The following HIP1R variants were observed in gnomAD, a reference collection of about 807,000 sequenced individuals.
HIP1R encodes the protein huntingtin interacting protein 1 related.
A neutral mutation model predicts 144.2 loss-of-function variants in HIP1R; 135 were observed. The observed-to-expected ratio is 0.94, with a 90% confidence interval of 0.81 to 1.08. HIP1R has a LOEUF of 1.08. Among genes scored for constraint, HIP1R ranks in the 50% least tolerant of loss-of-function variants. The pLI, the probability that HIP1R is intolerant of heterozygous loss-of-function variation, is 0.00. For synonymous variants in HIP1R, 698 were observed against 612.8 expected, an observed-to-expected ratio of 1.14 and a Z score of -2.05; for missense variants, 1,462 against 1,432.8, an observed-to-expected ratio of 1.02 and a Z score of -0.33.
intron 31 of HIP1R, 66 bp from the exon 32 acceptor site, chr12:122,861,640 C>T: frequency 6.3e-7 from 1 of 1,597,862 alleles, no homozygotes; most frequent in South Asian, 1.1e-5. Context: ...GGAGCTTGCT[C>T]AAGGGAGAGG....
At chr12:122,849,163 G>A (rs1212997570) in intron 4 of HIP1R, among the ~76,000 whole-genome samples, 1 of 152,272 alleles carries the variant, frequency 6.6e-6, no homozygotes, top group Non-Finnish European at 1.5e-5. Context: ...CAGGGCGCAG[G>A]TTCCTGGGCT....
At chr12:122,844,601 G>A (rs980742107) in intron 1 of HIP1R, among the ~76,000 whole-genome samples, 8 of 152,378 alleles carry the variant, frequency 5.3e-5, no homozygotes, top group Middle Eastern at 3.4e-3. Flanking sequence ...ACTCACAGCT[G>A]TGTGGAAACT....
At chr12:122,848,169 G>A (rs1334797192) in intron 2 of HIP1R, 75 bp downstream of exon 2, 22 of 1,489,128 alleles carry the variant, frequency 1.5e-5, no homozygotes, top group Middle Eastern at 1.7e-4. Flanking sequence ...GGTGGCCTGC[G>A]GTCAGCTGTG....
chr12:122,840,550 C>T lies in HIP1R; in HGVS notation c.93+4907C>T, dbSNP rs1310095704. 6.6e-6 allele frequency among the ~76,000 whole-genome samples: 1 copy of T among 152,154 alleles called. No homozygotes were observed. The highest frequency in any genetic ancestry group is 1.5e-5 in the Non-Finnish European group (1 of 68,036). On this transcript the variant is annotated intron_variant, in intron 1 of 31. Transcript: ENST00000253083. This position sits in a 1 kb window ranked among gnomAD's most constrained non-coding sequence, Gnocchi z 4.2. Reference sequence around the variant, plus strand: ...AAGAAATTTACAGGTGTTCATAGTGCCTGGTGTGTAGTGAATGCCGTGTAA... The same window carrying T: ...AAGAAATTTACAGGTGTTCATAGTGTCTGGTGTGTAGTGAATGCCGTGTAA...
At chr12:122,856,811 C>T in intron 17 of HIP1R, 85 bp downstream of exon 17, 1 of 1,230,392 alleles carries the variant, frequency 8.1e-7, no homozygotes, top group Non-Finnish European at 1.1e-6. Context: ...GAACAGGCCC[C>T]ACCTGGGTGC....
At position 122,850,819 on chromosome 12, in the gene HIP1R, G is replaced by T; in HGVS notation, c.439-16G>T. On this transcript the variant is annotated splice_polypyrimidine_tract_variant and intron_variant, in intron 5 of 31. Transcript: ENST00000253083. ...GCCCTGGTTCAGTGGCCGCTGGGTGGGGGTTCTCTCCACAGCATCCCCAGT... is the reference window on the plus strand; with the variant it reads ...GCCCTGGTTCAGTGGCCGCTGGGTGTGGGTTCTCTCCACAGCATCCCCAGT... 6.2e-7 allele frequency: 1 copy of T among 1,604,146 alleles called. No homozygotes were observed. The highest frequency in any genetic ancestry group is 8.5e-7 in the Non-Finnish European group (1 of 1,176,674).
At chr12:122,853,081 G>A (rs1441324780) in intron 7 of HIP1R, among the ~76,000 whole-genome samples, 1 of 152,112 alleles carries the variant, frequency 6.6e-6, no homozygotes, top group Non-Finnish European at 1.5e-5. Flanking sequence ...GGGGCTGTCT[G>A]GCCGCTCTCC....
chr12:122,848,124 G>A (rs1279983636), intron 2 of HIP1R, 30 bp downstream of exon 2: 2 of 1,609,570 alleles, frequency 1.2e-6, no homozygotes, highest in African/African-American at 2.7e-5. Context: ...GGACCCAGGA[G>A]TTGGGTGTGG....
chr12:122,851,683 TAAAA>T (rs754548380), intron 7 of HIP1R, among the ~76,000 whole-genome samples: 1 of 14,696 alleles, frequency 6.8e-5, no homozygotes, highest in Admixed American at 1.0e-3. Flanking sequence ...GTCTCCGTCT[TAAAA>T]AAAAAAAAAA....
chr12:122,847,084 G>A (rs562481215), intron 1 of HIP1R, among the ~76,000 whole-genome samples: 51 of 152,352 alleles, frequency 3.3e-4, no homozygotes, highest in Admixed American at 1.4e-3. Flanking sequence ...TGCATCTGTC[G>A]AGGCCCTGTC....
chr12:122,862,886 C>G lies in HIP1R; in HGVS notation c.*1133C>G, dbSNP rs529181236. ...AGGAGCAAAAATGAGCCAGCACCAG[C>G]GCCTTGGCTTTGTGTTAGCATTTCC... On this transcript the variant is annotated 3_prime_UTR_variant, in exon 32 of 32. Transcript: ENST00000253083. 9 of 152,150 alleles carry G rather than the reference C, an allele frequency of 5.9e-5. No individual in the cohort carries two copies. Among genetic ancestry groups the G allele is most frequent in the African/African-American group, 2.2e-4 (9 of 41,420 alleles). 9.4% of individuals were successfully genotyped at this position (152,150 alleles called of 1,614,324 possible). A position where few individuals can be genotyped will look rare whatever the true frequency, so the allele number is the denominator to read the frequency against.
intron 18 of HIP1R, chr12:122,857,457 T>C (rs1387113566): frequency 3.4e-6 from 2 of 587,418 alleles, no homozygotes; most frequent in East Asian, 5.7e-5. Context: ...CAGACCACAT[T>C]GTGTTTATCT....
chr12:122,835,540 G>A lies in HIP1R; in HGVS notation c.-11G>A. The A allele has an allele frequency of 7.5e-7, 1 of 1,338,990 alleles. No homozygotes were observed. 82.9% of individuals were successfully genotyped at this position (1,338,990 alleles called of 1,614,324 possible). A position where few individuals can be genotyped will look rare whatever the true frequency, so the allele number is the denominator to read the frequency against. The stretch of plus-strand genomic sequence containing the variant: ...GGACGGAGCCGGACAAAAGCGGGCG[G>A]CGGCGGCAGGATGAACAGCATCAAG... On this transcript the variant is annotated 5_prime_UTR_variant, in exon 1 of 32. Coordinates refer to ENST00000253083, the MANE Select transcript of HIP1R (RefSeq NM_003959.3).
At position 122,859,511 on chromosome 12, in the gene HIP1R, T is replaced by C. The variant is rs905926222; in HGVS notation, c.2381T>C (p.Ile794Thr). Residue 794 changes from isoleucine (I) to threonine (T), a missense_variant, in exon 23 of 32, where the codon ATT becomes ACT. Transcript: ENST00000253083. ...GAGATGGCGGCCACATCCGCAGCCA[T>C]TGAAGATGCTGTGCGGAGGATTGAG... ...DKEMAATSAA[I>T]EDAVRRIEDM... 7 of 1,612,654 alleles carry C rather than the reference T, an allele frequency of 4.3e-6. No individual in the cohort carries two copies. Among genetic ancestry groups the C allele is most frequent in the Admixed American group, 1.7e-5 (1 of 59,992 alleles).
rs1233377624 is a variant in HIP1R at position 122,836,827 on chromosome 12, G to T, written c.93+1184G>T. Reference sequence around the variant, plus strand: ...CTTTCGTTTTGAAATGAGAGAGAACGCAGGGAGACCTTCTAACCTTTGTGC... The same window carrying T: ...CTTTCGTTTTGAAATGAGAGAGAACTCAGGGAGACCTTCTAACCTTTGTGC... On this transcript the variant is annotated intron_variant, in intron 1 of 31. Transcript: ENST00000253083. The surrounding 1 kb of genome is among the most constrained non-coding windows in gnomAD (Gnocchi z 4.1). Among the ~76,000 whole-genome samples, 4 of 152,134 alleles carry T rather than the reference G, an allele frequency of 2.6e-5. No homozygotes were observed. The highest frequency in any genetic ancestry group is 5.9e-5 in the Non-Finnish European group (4 of 68,040).
At chr12:122,853,673 G>C (rs1175121575) in intron 7 of HIP1R, 2 of 186,406 alleles carry the variant, frequency 1.1e-5, no homozygotes, top group Non-Finnish European at 2.2e-5. Context: ...CATTTGGGGT[G>C]CTCCATCGTG....
In HIP1R at chr12:122,836,106, G is replaced by A. The variant is rs1018521497; in HGVS notation, c.93+463G>A. ...CCGACCTTCCGTGCCGCTCCTTGCC[G>A]GCTCCTGCCCCCGTCTCCTACCCCC... On this transcript the variant is annotated intron_variant, in intron 1 of 31. Coordinates refer to ENST00000253083, the MANE Select transcript of HIP1R (RefSeq NM_003959.3). The surrounding 1 kb of genome is among the most constrained non-coding windows in gnomAD (Gnocchi z 4.1). Among the ~76,000 whole-genome samples the A allele has an allele frequency of 6.6e-6, 1 of 152,058 alleles. No individual in the cohort carries two copies. The highest frequency in any genetic ancestry group is 6.5e-5 in the Admixed American group (1 of 15,270).
At chr12:122,835,329 A>C, upstream of HIP1R, 3 of 682,166 alleles carry the variant, frequency 4.4e-6, no homozygotes, top group South Asian at 7.8e-5. Flanking sequence ...CGCGCCCTGG[A>C]GTTGGGGGCG....
Position 122,862,055 on chromosome 12 carries a change from A to C in HIP1R, c.*302A>C, listed in dbSNP as rs994660878. 5 of 408,982 alleles carry C rather than the reference A, an allele frequency of 1.2e-5. No individual in the cohort carries two copies. The highest frequency in any genetic ancestry group is 1.0e-4 in the African/African-American group (5 of 48,222). 25.3% of individuals were successfully genotyped at this position (408,982 alleles called of 1,614,324 possible). On this transcript the variant is annotated 3_prime_UTR_variant, in exon 32 of 32. Coordinates refer to ENST00000253083, the MANE Select transcript of HIP1R (RefSeq NM_003959.3). ...TGTTTTTAATATTCCTCTTCAGAAA[A>C]TAGTGTTTTTAATATTCCGAGCTAG...
Sources: gnomAD v4.1 joint callset for allele counts (sites outside exome capture counted in the v4.1 genomes callset) on GRCh38, gnomAD v4.1.1 for gene constraint, Gnocchi (gnomAD v3.1) non-coding constraint, MANE v1.5 for transcripts, NCBI Gene and HGNC (gene_info 2026-07-23, HGNC 2026-07-21) for gene names.